BEND7: variants seen among roughly 807,000 people sequenced by gnomAD.
BEND7 encodes the protein BEN domain containing 7, also known as BEN domain-containing protein 7.
A neutral mutation model predicts 50.9 loss-of-function variants in BEND7; 28 were observed. The observed-to-expected ratio is 0.55, with a 90% confidence interval of 0.41 to 0.75. The LOEUF is 0.75. Ranked by LOEUF, BEND7 falls within the 30% of genes least tolerant of loss-of-function variation. BEND7 has a pLI of 0.00. For missense variants in BEND7, 477 were observed against 491.3 expected (o/e 0.97, Z 0.28); for synonymous variants, 170 against 183.9 (o/e 0.92, Z 0.61).
At chr10:13,506,293 T>C (rs766687584) in intron 2 of BEND7, among the ~76,000 whole-genome samples, 1 of 152,162 alleles carries the variant, frequency 6.6e-6, no homozygotes, top group African/African-American at 2.4e-5. Context: ...CGCATGAAAA[T>C]TATTCATTCT....
intron 8 of BEND7, chr10:13,445,237 AT>A (rs1422664869): frequency 2.0e-5 from 3 of 152,178 alleles, no homozygotes; most frequent in African/African-American, 7.2e-5. Context: ...TATTTTCTTC[AT>A]TATGACCTCA....
At chr10:13,440,835 C>A (rs982545014), downstream of BEND7, among the ~76,000 whole-genome samples, 2 of 152,264 alleles carry the variant, frequency 1.3e-5, no homozygotes, top group African/African-American at 4.8e-5. Context: ...CTGTACTTAA[C>A]GCTCAAGTGT....
chr10:13,496,652 C>A (rs1191110038), intron 4 of BEND7, 114 bp downstream of exon 4: 9 of 1,264,204 alleles, frequency 7.1e-6, no homozygotes, highest in Non-Finnish European at 7.6e-6. Flanking sequence ...AAAGGCACAG[C>A]AAGACAGCAA....
At chr10:13,439,419 G>C, downstream of BEND7, 1 of 1,614,128 alleles carries the variant, frequency 6.2e-7, no homozygotes, top group Non-Finnish European at 8.5e-7. Flanking sequence ...TTGTGACATT[G>C]TCTGAGGTGA....
chr10:13,500,094 G>A lies in BEND7; in HGVS notation c.146-14C>T. 6.4e-7 allele frequency: 1 copy of A among 1,558,600 alleles called. No homozygotes were observed. The highest frequency in any genetic ancestry group is 8.7e-7 in the Non-Finnish European group (1 of 1,144,354). ...TGCTTTCATCTCCTAATGGAAACAG[G>A]GCCAAAGTTAGCACTCTAAATTAGT... is the stretch of plus-strand genomic sequence containing the variant. On this transcript the variant is annotated splice_polypyrimidine_tract_variant and intron_variant, in intron 2 of 8. Coordinates refer to ENST00000466271, the MANE Select transcript of BEND7 (RefSeq NM_001369863.1).
rs961151432 is a variant in BEND7 at position 13,462,547 on chromosome 10, A to T, written c.1064-9889T>A. On this transcript the variant is annotated intron_variant, in intron 6 of 8. Transcript: ENST00000466271. ...ACCATATCACAACTGAAACATAAAA[A>T]CTCAAAGGACAGGTTAATCAATAAA... Among the ~76,000 whole-genome samples, 4 of 152,328 alleles carry T rather than the reference A, an allele frequency of 2.6e-5. No individual in the cohort carries two copies. In the East Asian group the frequency reaches 7.7e-4, roughly 29 times the overall value.
intron 3 of BEND7, among the ~76,000 whole-genome samples, chr10:13,497,589 CT>C (rs2077115024): frequency 6.6e-6 from 1 of 152,184 alleles, no homozygotes. Flanking sequence ...GCCACAGCCT[CT>C]TTTGCACTGT....
chr10:13,514,277 T>C (rs533632050), intron 2 of BEND7, among the ~76,000 whole-genome samples: 3 of 152,142 alleles, frequency 2.0e-5, no homozygotes, highest in Non-Finnish European at 4.4e-5. Context: ...ATAACAGATA[T>C]GACGAGAAGA....
At chr10:13,447,975 T>TG (rs1300801284) in intron 7 of BEND7, among the ~76,000 whole-genome samples, 1 of 152,080 alleles carries the variant, frequency 6.6e-6, no homozygotes, top group Non-Finnish European at 1.5e-5. Context: ...GAACCACTCC[T>TG]GGGGGGCAGC....
At chr10:13,494,795 C>T (rs2076919305) in intron 4 of BEND7, among the ~76,000 whole-genome samples, 1 of 152,220 alleles carries the variant, frequency 6.6e-6, no homozygotes, top group Non-Finnish European at 1.5e-5. Flanking sequence ...CCAGATCTTA[C>T]CTCTAGGTCT....
intron 6 of BEND7, among the ~76,000 whole-genome samples, chr10:13,466,377 T>G (rs568152733): frequency 6.6e-6 from 1 of 152,166 alleles, no homozygotes; most frequent in East Asian, 1.9e-4. Context: ...CTGGCCAACA[T>G]GCCGAAACCC....
chr10:13,471,627 T>A (rs2074843647), intron 6 of BEND7, among the ~76,000 whole-genome samples: 1 of 152,274 alleles, frequency 6.6e-6, no homozygotes, highest in South Asian at 2.1e-4. Flanking sequence ...GGTGAGGCAC[T>A]GTAGCCATGT....
chr10:13,489,955 G>A (rs1478100903), intron 5 of BEND7, among the ~76,000 whole-genome samples: 1 of 152,202 alleles, frequency 6.6e-6, no homozygotes, highest in Non-Finnish European at 1.5e-5. Context: ...ACTGCTACAG[G>A]ATTTTCCCAT....
chr10:13,520,222 A>C (rs1231461339), intron 2 of BEND7, among the ~76,000 whole-genome samples: 1 of 152,214 alleles, frequency 6.6e-6, no homozygotes, highest in Non-Finnish European at 1.5e-5. Context: ...AGCTGGTCTC[A>C]GTGTTAAATG....
chr10:13,442,338 C>G (rs1264857828), intron 8 of BEND7: 1 of 152,206 alleles, frequency 6.6e-6, no homozygotes. Flanking sequence ...GTTCTCATGC[C>G]AATTTTTGGC....
chr10:13,441,868 C>G (rs7902755), intron 8 of BEND7, 118 bp from the exon 9 acceptor site: 228,425 of 999,536 alleles, frequency 0.23, 28,607 homozygotes, highest in African/African-American at 0.36. Context: ...TGTAGCCCCC[C>G]AAAAGAAGAA....
Position 13,452,654 on chromosome 10 carries a change from G to A in BEND7, c.1068C>T (p.Phe356=). The change falls in exon 7 of 9, where the codon TTC becomes TTT. Residue 356 remains phenylalanine, a synonymous_variant. Transcript: ENST00000466271. ...GGTTAGCTGTACAGTACTTTTCTGT[G>A]AAGACTGAAAGAAAATGTAAAATAT... The part of the protein sequence containing the change: ...DQNIVGAIKV[F]TEKYCTANHV... 1.3e-6 allele frequency: 2 copies of A among 1,583,540 alleles called. No individual in the cohort carries two copies. Among genetic ancestry groups the A allele is most frequent in the South Asian group, 1.2e-5 (1 of 85,302 alleles).
intron 7 of BEND7, among the ~76,000 whole-genome samples, chr10:13,450,491 G>C (rs1315381996): frequency 6.6e-6 from 1 of 152,158 alleles, no homozygotes; most frequent in African/African-American, 2.4e-5. Flanking sequence ...GAATGATGTG[G>C]AACAGGATTT....
At chr10:13,510,229 C>A (rs1450783994) in intron 2 of BEND7, among the ~76,000 whole-genome samples, 1 of 152,098 alleles carries the variant, frequency 6.6e-6, no homozygotes, top group Non-Finnish European at 1.5e-5. Flanking sequence ...TTTTAAGTAT[C>A]TTATCTCCCT....
Sources: gnomAD v4.1 joint callset for allele counts (sites outside exome capture counted in the v4.1 genomes callset) on GRCh38, gnomAD v4.1.1 for gene constraint, MANE v1.5 for transcripts, NCBI Gene and HGNC (gene_info 2026-07-23, HGNC 2026-07-21) for gene names.